FER: variants seen among roughly 807,000 people sequenced by gnomAD.
FER encodes tyrosine-protein kinase Fer.
Under a neutral mutation model 111.0 loss-of-function variants are expected in FER, and 63 were observed. The ratio of observed to expected loss-of-function variants is 0.57; its 90% CI spans 0.46 to 0.70. The LOEUF (loss-of-function observed/expected upper bound fraction) is 0.70, where lower values mean the gene tolerates loss of function less well. FER is among the 30% of genes least tolerant of loss of function. The pLI is 0.00. For missense variants in FER, 914 were observed against 954.0 expected, an observed-to-expected ratio of 0.96 and a Z score of 0.55; for synonymous variants, 327 against 313.9, an observed-to-expected ratio of 1.04 and a Z score of -0.44.
chr5:109,097,739 T>A (rs1166790992), intron 16 of FER, among the ~76,000 whole-genome samples: 1 of 151,938 alleles, frequency 6.6e-6, no homozygotes, highest in Non-Finnish European at 1.5e-5. Context: ...AGTTATTTTC[T>A]GGGTGTCCTA....
intron 10 of FER, among the ~76,000 whole-genome samples, chr5:108,914,470 CAA>C (rs1215937512): frequency 1.3e-5 from 2 of 152,100 alleles, no homozygotes; most frequent in Non-Finnish European, 2.9e-5. Flanking sequence ...TTTTTGATAA[CAA>C]AGTGTTGTAT....
At chr5:108,856,928 A>G (rs1158653318) in intron 5 of FER, among the ~76,000 whole-genome samples, 1 of 152,176 alleles carries the variant, frequency 6.6e-6, no homozygotes, top group African/African-American at 2.4e-5. Flanking sequence ...TGTAGGCTAA[A>G]TAATACCAGT....
chr5:109,107,870 C>G (rs185096287), intron 17 of FER, among the ~76,000 whole-genome samples: 8 of 152,278 alleles, frequency 5.3e-5, no homozygotes, highest in Admixed American at 2.0e-4. Flanking sequence ...GCTAATATAA[C>G]CTGCCAGGCC....
intron 17 of FER, among the ~76,000 whole-genome samples, chr5:109,117,634 C>T (rs929988981): frequency 4.0e-5 from 6 of 151,884 alleles, no homozygotes; most frequent in Non-Finnish European, 8.8e-5. Context: ...TTCTTCCTAC[C>T]CATGAGCATG....
chr5:108,993,049 T>C (rs1449496758), intron 13 of FER, among the ~76,000 whole-genome samples: 4 of 144,704 alleles, frequency 2.8e-5, no homozygotes, highest in Non-Finnish European at 4.5e-5. Context: ...CTCCTCACTT[T>C]CCAGACTGGG....
intron 17 of FER, among the ~76,000 whole-genome samples, chr5:109,127,552 C>G (rs950467310): frequency 2.6e-5 from 4 of 151,934 alleles, no homozygotes; most frequent in African/African-American, 9.7e-5. Context: ...TACAGGCACG[C>G]GCCACCACAT....
intron 16 of FER, among the ~76,000 whole-genome samples, chr5:109,060,411 G>A (rs1325541734): frequency 5.3e-5 from 8 of 152,088 alleles, no homozygotes; most frequent in Admixed American, 5.2e-4. Context: ...ACCTCTCTGT[G>A]CCTTAGTTTC....
intron 3 of FER, among the ~76,000 whole-genome samples, chr5:108,827,411 T>C (rs1759579136): frequency 6.6e-6 from 1 of 152,154 alleles, no homozygotes; most frequent in Non-Finnish European, 1.5e-5. Context: ...CTTGGCACTT[T>C]ATGTTTCTCT....
At chr5:109,049,442 A>T (rs932538566) in intron 16 of FER, among the ~76,000 whole-genome samples, 5 of 152,166 alleles carry the variant, frequency 3.3e-5, no homozygotes, top group African/African-American at 9.7e-5. Context: ...TAGCTCCTTG[A>T]GGTTGCCTGC....
At chr5:109,082,703 A>T (rs1777129804) in intron 16 of FER, among the ~76,000 whole-genome samples, 1 of 152,018 alleles carries the variant, frequency 6.6e-6, no homozygotes, top group Non-Finnish European at 1.5e-5. Context: ...TTGTAATCAG[A>T]TACTACCAAA....
chr5:109,186,385 G>C, intron 19 of FER, 63 bp downstream of exon 19: 1 of 1,612,330 alleles, frequency 6.2e-7, no homozygotes, highest in African/African-American at 1.3e-5. Flanking sequence ...AGTGCTTATA[G>C]TGTGTCTGCT....
At chr5:109,096,031 CTGA>C (rs1747467649) in intron 16 of FER, among the ~76,000 whole-genome samples, 1 of 151,978 alleles carries the variant, frequency 6.6e-6, no homozygotes, top group South Asian at 2.1e-4. Flanking sequence ...TGGCATTGCC[CTGA>C]TGATCTCTTC....
At chr5:108,842,342 G>A (rs1378303494) in intron 5 of FER, 8 of 151,976 alleles carry the variant, frequency 5.3e-5, no homozygotes, top group Admixed American at 5.2e-4. Context: ...ATTGGCATAG[G>A]CAAGTATTTC....
intron 4 of FER, 63 bp downstream of exon 4, chr5:108,833,006 A>G: frequency 7.0e-7 from 1 of 1,429,578 alleles, no homozygotes; most frequent in Non-Finnish European, 9.4e-7. Flanking sequence ...GAAATATTTT[A>G]CCTTATTTGG....
At chr5:108,810,213 G>A (rs955362647) in intron 3 of FER, among the ~76,000 whole-genome samples, 1 of 152,072 alleles carries the variant, frequency 6.6e-6, no homozygotes, top group African/African-American at 2.4e-5. Context: ...TTTATACTGG[G>A]CTTTTGTATT....
intron 3 of FER, among the ~76,000 whole-genome samples, chr5:108,800,356 T>C (rs1270912776): frequency 6.6e-6 from 1 of 152,054 alleles, no homozygotes; most frequent in Non-Finnish European, 1.5e-5. Context: ...CAGCCTTTCC[T>C]CTTTTTTTTT....
At chr5:108,771,939 T>G (rs757444517) in intron 2 of FER, among the ~76,000 whole-genome samples, 1 of 152,180 alleles carries the variant, frequency 6.6e-6, no homozygotes, top group Non-Finnish European at 1.5e-5. Flanking sequence ...TACCTGAGAC[T>G]GAGTAATTTA....
intron 16 of FER, among the ~76,000 whole-genome samples, chr5:109,086,582 C>T (rs1777591343): frequency 2.0e-5 from 3 of 151,486 alleles, no homozygotes; most frequent in Admixed American, 2.0e-4. Flanking sequence ...CCTTTTCCTG[C>T]CTTGCTTTGT....
At chr5:109,156,831 T>C (rs1755448968) in intron 17 of FER, among the ~76,000 whole-genome samples, 1 of 152,058 alleles carries the variant, frequency 6.6e-6, no homozygotes, top group African/African-American at 2.4e-5. Flanking sequence ...TAGAGCAGTT[T>C]CAATAAAGTA....
Sources: allele counts gnomAD v4.1 joint callset (sites outside exome capture counted in the v4.1 genomes callset), GRCh38; gene constraint gnomAD v4.1.1; transcripts MANE v1.5; gene names NCBI Gene and HGNC (gene_info 2026-07-23, HGNC 2026-07-21).